ZRANB3: variants seen among roughly 807,000 people sequenced by gnomAD.
ZRANB3 encodes the protein zinc finger RANBP2-type containing 3.
A neutral mutation model predicts 133.8 loss-of-function variants in ZRANB3; 125 were observed. The ratio of observed to expected loss-of-function variants is 0.93; its 90% CI spans 0.81 to 1.08. ZRANB3 has a LOEUF of 1.08. ZRANB3 is among the 50% of genes least tolerant of loss of function. The probability of loss-of-function intolerance (pLI) is 0.00; values close to 1 mark genes in which losing one functional copy is unlikely to be tolerated. For missense variants in ZRANB3, 1,229 were observed against 1,275.5 expected, an observed-to-expected ratio of 0.96 and a Z score of 0.56; for synonymous variants, 387 against 432.7, an observed-to-expected ratio of 0.89 and a Z score of 1.31.
At chr2:135,311,301 G>C (rs1482072269) in intron 8 of ZRANB3, among the ~76,000 whole-genome samples, 1 of 152,062 alleles carries the variant, frequency 6.6e-6, no homozygotes, top group African/African-American at 2.4e-5. Flanking sequence ...AAATGAAAAA[G>C]ATGGCAATAC....
intron 3 of ZRANB3, among the ~76,000 whole-genome samples, chr2:135,376,156 A>C (rs78097801): frequency 0.029 from 4,352 of 152,222 alleles, 191 homozygotes; most frequent in African/African-American, 0.097. Context: ...CTTCACTGGC[A>C]AGTAGGACAA....
chr2:135,381,407 A>G (rs1240906189), intron 3 of ZRANB3, among the ~76,000 whole-genome samples: 1 of 152,248 alleles, frequency 6.6e-6, no homozygotes, highest in Non-Finnish European at 1.5e-5. Context: ...CTGCCTCTGT[A>G]GACTCCACCT....
At chr2:135,287,670 C>CTT (rs59739293) in intron 8 of ZRANB3, among the ~76,000 whole-genome samples, 128 of 98,042 alleles carry the variant, frequency 1.3e-3, no homozygotes, top group African/African-American at 4.5e-3. Flanking sequence ...TATTTCTTTC[C>CTT]TTTTTTTTTT....
rs200457883 is a variant in ZRANB3, at chr2:135,217,580, T to G, written c.2380A>C (p.Ser794Arg). The change falls in exon 17 of 21, where the codon AGT becomes CGT. Residue 794 changes from serine (S) to arginine (R), a missense_variant. Physicochemically the swap from Ser to Arg is moderately radical, Grantham distance 110 (BLOSUM62 -1). Transcript: ENST00000264159. ...LILRFVREWS[S>R]LTAMKQRIIR... ...ATCCTTTGCTTCATGGCAGTTAGAC[T>G]ACTCCATTCTCGAACAAATCTCAAA... is the stretch of plus-strand genomic sequence containing the variant. 144 of 1,612,844 alleles carry G rather than the reference T, an allele frequency of 8.9e-5. No homozygotes were observed. The highest frequency in any genetic ancestry group is 1.1e-4 in the Non-Finnish European group (135 of 1,179,670).
intron 12 of ZRANB3, among the ~76,000 whole-genome samples, chr2:135,243,491 A>G (rs1435229362): frequency 1.3e-5 from 2 of 152,226 alleles, no homozygotes; most frequent in Non-Finnish European, 2.9e-5. Flanking sequence ...CAAGAGAGTG[A>G]GACTCCTTCT....
intron 2 of ZRANB3, among the ~76,000 whole-genome samples, chr2:135,472,995 C>A (rs1691342949): frequency 6.6e-6 from 1 of 152,134 alleles, no homozygotes; most frequent in African/African-American, 2.4e-5. Flanking sequence ...AGAAAGTGGA[C>A]CATTCAATAT....
chr2:135,240,046 T>G (rs1243541849), intron 12 of ZRANB3, among the ~76,000 whole-genome samples: 6 of 151,896 alleles, frequency 4.0e-5, no homozygotes, highest in Admixed American at 1.3e-4. Context: ...TGGTGTTTTT[T>G]AAAAAAAGGT....
chr2:135,421,843 C>T (rs144593388), intron 2 of ZRANB3, among the ~76,000 whole-genome samples: 11 of 148,282 alleles, frequency 7.4e-5, no homozygotes, highest in South Asian at 6.4e-4. Flanking sequence ...TTCCCTTTGG[C>T]TTCTTGTTCT....
At chr2:135,476,155 C>T (rs1485745355) in intron 2 of ZRANB3, among the ~76,000 whole-genome samples, 1 of 152,024 alleles carries the variant, frequency 6.6e-6, no homozygotes, top group Non-Finnish European at 1.5e-5. Flanking sequence ...CAACTAAACT[C>T]AATGTATGGA....
At chr2:135,253,004 T>C (rs1432725897) in intron 12 of ZRANB3, among the ~76,000 whole-genome samples, 7 of 152,230 alleles carry the variant, frequency 4.6e-5, no homozygotes, top group Non-Finnish European at 8.8e-5. Flanking sequence ...AGGGTGGTTA[T>C]AGTGCCTCAA....
intron 2 of ZRANB3, among the ~76,000 whole-genome samples, chr2:135,437,266 T>C (rs931871644): frequency 1.3e-5 from 2 of 152,184 alleles, no homozygotes; most frequent in Admixed American, 6.5e-5. Context: ...ATTCTTGATA[T>C]AGAATTCCAT....
intron 12 of ZRANB3, among the ~76,000 whole-genome samples, chr2:135,235,753 A>G (rs1002781482): frequency 6.6e-6 from 1 of 150,492 alleles, no homozygotes; most frequent in Non-Finnish European, 1.5e-5. Flanking sequence ...CATGCTAAAC[A>G]CTCTCAATAA....
In ZRANB3 at chr2:135,404,435, G is replaced by C. The variant is rs151172731; in HGVS notation, c.162-13615C>G. ...AAAAAGAAACGAACAAAGCCTCCAA[G>C]AAATATGGGACTATGTGAAAAGACC... On this transcript the variant is annotated intron_variant, in intron 2 of 20. Transcript: ENST00000264159. Among the ~76,000 whole-genome samples, 460 of 152,320 alleles carry C rather than the reference G, an allele frequency of 3.0e-3. 2 individuals are homozygous for C. Among genetic ancestry groups the C allele is most frequent in the African/African-American group, 0.01 (434 of 41,572 alleles).
At chr2:135,237,847 C>T (rs1017379266) in intron 12 of ZRANB3, among the ~76,000 whole-genome samples, 8 of 151,848 alleles carry the variant, frequency 5.3e-5, no homozygotes, top group South Asian at 4.2e-4. Flanking sequence ...TGTTAAATGA[C>T]GAGTTAATGG....
chr2:135,460,108 T>A (rs1690698335), intron 2 of ZRANB3, among the ~76,000 whole-genome samples: 1 of 152,102 alleles, frequency 6.6e-6, no homozygotes, highest in Non-Finnish European at 1.5e-5. Context: ...GGTCAGGATG[T>A]GCGAAATTTT....
intron 2 of ZRANB3, among the ~76,000 whole-genome samples, chr2:135,404,853 C>T (rs6752752): frequency 1.5e-4 from 23 of 152,002 alleles, no homozygotes; most frequent in Admixed American, 7.2e-4. Context: ...AGCCAAACTA[C>T]GCTGCAAAAT....
chr2:135,406,574 A>G (rs1176357452), intron 2 of ZRANB3, among the ~76,000 whole-genome samples: 2 of 152,232 alleles, frequency 1.3e-5, no homozygotes, highest in Non-Finnish European at 2.9e-5. Context: ...AATCCTCAAT[A>G]AAATACTGGC....
intron 3 of ZRANB3, among the ~76,000 whole-genome samples, chr2:135,385,478 T>C (rs547752259): frequency 7.9e-5 from 12 of 152,040 alleles, no homozygotes; most frequent in African/African-American, 2.7e-4. Context: ...CTTCACAGAA[T>C]TGGAAAAAAC....
At chr2:135,482,214 C>T (rs1326956967) in intron 2 of ZRANB3, among the ~76,000 whole-genome samples, 1 of 140,050 alleles carries the variant, frequency 7.1e-6, no homozygotes, top group African/African-American at 3.1e-5. Context: ...GGCAGTATGG[C>T]GATTTTCACG....
Sources: gnomAD v4.1 joint callset for allele counts (sites outside exome capture counted in the v4.1 genomes callset) on GRCh38, gnomAD v4.1.1 for gene constraint, MANE v1.5 for transcripts, NCBI Gene and HGNC (gene_info 2026-07-23, HGNC 2026-07-21) for gene names.